Variants in MVB12B observed in about 807,000 individuals in gnomAD.
MVB12B encodes the protein multivesicular body subunit 12B.
A neutral mutation model predicts 41.6 loss-of-function variants in MVB12B; 16 were observed. The observed-to-expected ratio is 0.38, with a 90% CI of 0.26 to 0.58. The LOEUF is 0.58. Among genes scored for constraint, MVB12B ranks in the 20% least tolerant of loss-of-function variants. MVB12B has a pLI of 0.62. For missense variants in MVB12B, 274 were observed against 380.2 expected, an observed-to-expected ratio of 0.72 and a Z score of 2.32; for synonymous variants, 133 against 139.7, an observed-to-expected ratio of 0.95 and a Z score of 0.34.
chr9:126,409,101 C>T (rs530497864), intron 6 of MVB12B, among the ~76,000 whole-genome samples: 30 of 150,352 alleles, frequency 2.0e-4, no homozygotes, highest in South Asian at 4.2e-4. Flanking sequence ...ACAACGGCAT[C>T]GTGACTTCCA....
intron 2 of MVB12B, among the ~76,000 whole-genome samples, chr9:126,369,174 T>G (rs1256298667): frequency 1.3e-5 from 2 of 152,194 alleles, no homozygotes; most frequent in African/African-American, 4.8e-5. Flanking sequence ...TTGAAAAAAT[T>G]TTTAATTAAG....
intron 7 of MVB12B, among the ~76,000 whole-genome samples, chr9:126,475,786 C>T (rs903697104): frequency 2.0e-5 from 3 of 152,110 alleles, no homozygotes; most frequent in African/African-American, 7.2e-5. Flanking sequence ...TTTGGGAAGT[C>T]GGGCTGGGAA....
At chr9:126,327,965 C>T (rs1258657091) in intron 1 of MVB12B, among the ~76,000 whole-genome samples, 1 of 152,166 alleles carries the variant, frequency 6.6e-6, no homozygotes, top group Non-Finnish European at 1.5e-5. Context: ...GCCTTTGTCT[C>T]TCGTGGTTCC....
chr9:126,327,461 C>T (rs1485868106), intron 1 of MVB12B, among the ~76,000 whole-genome samples: 2 of 152,204 alleles, frequency 1.3e-5, no homozygotes, highest in African/African-American at 4.8e-5. Flanking sequence ...ATCACTGCCT[C>T]TGTGACCTGG....
chr9:126,366,609 C>T (rs936427213), intron 2 of MVB12B, among the ~76,000 whole-genome samples: 1 of 152,154 alleles, frequency 6.6e-6, no homozygotes, highest in African/African-American at 2.4e-5. Context: ...CTTAGATCAT[C>T]GGATATTCTT....
At chr9:126,419,772 G>A (rs532696934) in intron 6 of MVB12B, among the ~76,000 whole-genome samples, 1 of 152,240 alleles carries the variant, frequency 6.6e-6, no homozygotes, top group African/African-American at 2.4e-5. Context: ...CAGATTCACC[G>A]CTGGAGCTTG....
intron 6 of MVB12B, chr9:126,396,884 T>C: frequency 1.0e-6 from 1 of 985,456 alleles, no homozygotes. Context: ...CTCTGTTGGG[T>C]TCAAGAGTGT....
At chr9:126,433,975 A>G (rs1832399076) in intron 7 of MVB12B, among the ~76,000 whole-genome samples, 1 of 152,208 alleles carries the variant, frequency 6.6e-6, no homozygotes, top group Admixed American at 6.5e-5. Flanking sequence ...GAAGTTGAAC[A>G]GTCGCACAAG....
intron 2 of MVB12B, among the ~76,000 whole-genome samples, chr9:126,375,455 TTTCTTTCGAACGAGAAAGTACA>T (rs552274575): frequency 0.013 from 1,925 of 144,930 alleles, 48 homozygotes; most frequent in African/African-American, 0.048. Flanking sequence ...CCCATCCCTA[TTTCTTTCGAACGAGAAAGTACA>T]GTTCTAAATG....
At chr9:126,499,883 G>A (rs1564353842) in intron 9 of MVB12B, among the ~76,000 whole-genome samples, 1 of 149,252 alleles carries the variant, frequency 6.7e-6, no homozygotes, top group African/African-American at 2.5e-5. Context: ...GGCCGGGAGA[G>A]AGGAGCTCAG....
Position 126,326,928 on chromosome 9 carries a change from C to T in MVB12B, c.-2C>T. On this transcript the variant is annotated 5_prime_UTR_variant, in exon 1 of 10. Coordinates refer to ENST00000361171, the MANE Select transcript of MVB12B (RefSeq NM_033446.3). ...CCCGGCCCCTCCCGCGCCGCCCGGG[C>T]GATGAGAAGCTGCTTCTGCGTGAGA... The T allele has an allele frequency of 1.1e-5, 3 of 269,954 alleles. No individual in the cohort carries two copies. The highest frequency in any genetic ancestry group is 8.8e-5 in the South Asian group (3 of 34,048). 16.7% of individuals were successfully genotyped at this position (269,954 alleles called of 1,614,324 possible). A position where few individuals can be genotyped will look rare whatever the true frequency, so the allele number is the denominator to read the frequency against.
chr9:126,363,644 T>C (rs1830086634), intron 2 of MVB12B, among the ~76,000 whole-genome samples: 1 of 152,240 alleles, frequency 6.6e-6, no homozygotes, highest in African/African-American at 2.4e-5. Context: ...GTTGTTTTAC[T>C]TACCACCAAG....
chr9:126,410,141 TTGTGTGTGTGTG>T (rs3222493), intron 6 of MVB12B, among the ~76,000 whole-genome samples: 84 of 148,580 alleles, frequency 5.7e-4, no homozygotes, highest in African/African-American at 1.8e-3. Context: ...TGATTTGGTT[TTGTGTGTGTGTG>T]TGTGTGTGTG....
intron 8 of MVB12B, among the ~76,000 whole-genome samples, chr9:126,482,704 CTG>C (rs1833550432): frequency 6.6e-6 from 1 of 152,246 alleles, no homozygotes; most frequent in Non-Finnish European, 1.5e-5. Flanking sequence ...GAGCACCACA[CTG>C]TTCCGTGGCT....
chr9:126,362,066 T>C (rs1342016970), intron 2 of MVB12B, among the ~76,000 whole-genome samples: 3 of 152,204 alleles, frequency 2.0e-5, no homozygotes, highest in Non-Finnish European at 4.4e-5. Context: ...TTTTAAGCAT[T>C]TTGATTATGA....
intron 6 of MVB12B, among the ~76,000 whole-genome samples, chr9:126,416,485 G>A (rs887645558): frequency 2.0e-5 from 3 of 152,174 alleles, no homozygotes; most frequent in African/African-American, 4.8e-5. Context: ...GTAACCTGTC[G>A]GGATCACTGA....
At chr9:126,335,702 G>C (rs961019988) in intron 1 of MVB12B, among the ~76,000 whole-genome samples, 1 of 152,206 alleles carries the variant, frequency 6.6e-6, no homozygotes, top group Non-Finnish European at 1.5e-5. Flanking sequence ...ACCTGCTCTT[G>C]TGGCGTTTCC....
intron 6 of MVB12B, among the ~76,000 whole-genome samples, chr9:126,414,153 A>C (rs1831737996): frequency 6.6e-6 from 1 of 152,230 alleles, no homozygotes; most frequent in African/African-American, 2.4e-5. Context: ...GTCTCATAAT[A>C]AAATATATTC....
intron 7 of MVB12B, among the ~76,000 whole-genome samples, chr9:126,439,816 G>A (rs1302126100): frequency 6.6e-6 from 1 of 152,164 alleles, no homozygotes; most frequent in Non-Finnish European, 1.5e-5. Flanking sequence ...TATAGCTTAA[G>A]GCTACATTAA....
Sources: allele counts gnomAD v4.1 joint callset (sites outside exome capture counted in the v4.1 genomes callset), GRCh38; gene constraint gnomAD v4.1.1; transcripts MANE v1.5; gene names NCBI Gene and HGNC (gene_info 2026-07-23, HGNC 2026-07-21).